The following ABI2 variants were observed in gnomAD, a reference collection of about 807,000 sequenced individuals.
The protein encoded by ABI2 is abelson interactor 2.
In ABI2, 25 loss-of-function variants were observed where a neutral mutation model predicts 59.2. That is an observed-to-expected ratio of 0.42 (90% CI 0.31 to 0.59). The LOEUF (loss-of-function observed/expected upper bound fraction) is 0.59, where lower values mean the gene tolerates loss of function less well. Among genes scored for constraint, ABI2 ranks in the 20% least tolerant of loss-of-function variants. ABI2 has a pLI of 0.14. For missense variants in ABI2, 545 were observed against 681.8 expected, an observed-to-expected ratio of 0.80 and a Z score of 2.23; for synonymous variants, 213 against 235.5, an observed-to-expected ratio of 0.90 and a Z score of 0.87.
intron 9 of ABI2, among the ~76,000 whole-genome samples, chr2:203,407,832 A>C (rs1303873394): frequency 6.6e-6 from 1 of 152,202 alleles, no homozygotes; most frequent in African/African-American, 2.4e-5. Context: ...ATATTGCAAC[A>C]ATTCTTTCCT....
At chr2:203,416,775 T>C (rs923860821) in intron 10 of ABI2, 133 bp from the exon 11 acceptor site, 1 of 919,692 alleles carries the variant, frequency 1.1e-6, no homozygotes, top group Non-Finnish European at 1.6e-6. Flanking sequence ...CTTATCTTGC[T>C]CATTGATTTT....
At chr2:203,404,373 T>C (rs192139252) in intron 9 of ABI2, among the ~76,000 whole-genome samples, 5 of 152,358 alleles carry the variant, frequency 3.3e-5, no homozygotes, top group African/African-American at 9.6e-5. Context: ...TTAATTGATA[T>C]ATACTTCCCT....
rs1261643587 is a variant in ABI2 at position 203,334,738 on chromosome 2, G to A, written c.117+6107G>A. 4.6e-5 allele frequency among the ~76,000 whole-genome samples: 7 copies of A among 150,708 alleles called. No individual in the cohort carries two copies. The South Asian group carries it at 1.0e-3, about 23-fold the overall frequency. The stretch of plus-strand genomic sequence containing the variant: ...TACAGTGGTGCGATCTCAGCTTACT[G>A]CAACCTCTGCCTCCTGGGTTCAAGC... On this transcript the variant is annotated intron_variant, in intron 1 of 11. Coordinates refer to ENST00000261018, the MANE Select transcript of ABI2 (RefSeq NM_001375670.1).
chr2:203,388,269 G>A lies in ABI2; in HGVS notation c.481-2777G>A, dbSNP rs1355985445. Among the ~76,000 whole-genome samples, 5 of 152,150 alleles carry A rather than the reference G, an allele frequency of 3.3e-5. No individual in the cohort carries two copies. In the East Asian group the frequency reaches 9.6e-4, roughly 29 times the overall value. On this transcript the variant is annotated intron_variant, in intron 4 of 11. Coordinates refer to ENST00000261018, the MANE Select transcript of ABI2 (RefSeq NM_001375670.1). ...ATTAGGTATAAAATTAGATTGTTTGGACATTCTACAGAGACTCTTGTTTCT... is the reference window on the plus strand; with the variant it reads ...ATTAGGTATAAAATTAGATTGTTTGAACATTCTACAGAGACTCTTGTTTCT...
chr2:203,395,654 A>C lies in ABI2; in HGVS notation c.726-2A>C. The C allele has an allele frequency of 1.2e-6, 2 of 1,606,730 alleles. No individual in the cohort carries two copies. Among genetic ancestry groups the C allele is most frequent in the Non-Finnish European group, 1.7e-6 (2 of 1,176,768 alleles). ...ATGTTTTGGTGGCTCTTATTTCTTTAGCAGCAGTGGGAGTAGTGGAGGGAG... is the reference window on the plus strand; with the variant it reads ...ATGTTTTGGTGGCTCTTATTTCTTTCGCAGCAGTGGGAGTAGTGGAGGGAG... On this transcript the variant is annotated splice_acceptor_variant, in intron 6 of 11. Coordinates refer to ENST00000261018, the MANE Select transcript of ABI2 (RefSeq NM_001375670.1). LOFTEE classifies it high-confidence loss of function.
chr2:203,342,257 T>G (rs1212586563), intron 1 of ABI2: 2 of 449,474 alleles, frequency 4.4e-6, no homozygotes, highest in Admixed American at 4.8e-5. Flanking sequence ...CCAAGTCCAG[T>G]TCTGTTACCA....
intron 11 of ABI2, among the ~76,000 whole-genome samples, chr2:203,422,030 C>T (rs2098236446): frequency 6.6e-6 from 1 of 151,920 alleles, no homozygotes; most frequent in Non-Finnish European, 1.5e-5. Context: ...ACCTGTAATC[C>T]CTTAAAGTGC....
intron 2 of ABI2, chr2:203,374,858 GCTATC>G (rs745427453): frequency 1.1e-5 from 5 of 456,180 alleles, no homozygotes; most frequent in South Asian, 7.8e-5. Context: ...CTGAGGTAGT[GCTATC>G]CAGTACAGTC....
At chr2:203,413,801 T>C (rs1019091840) in intron 10 of ABI2, among the ~76,000 whole-genome samples, 3 of 152,332 alleles carry the variant, frequency 2.0e-5, no homozygotes, top group African/African-American at 4.8e-5. Context: ...TCCAGGTATA[T>C]TATTTTGAAG....
intron 2 of ABI2, among the ~76,000 whole-genome samples, chr2:203,377,176 A>G (rs1206104025): frequency 6.6e-6 from 1 of 152,122 alleles, no homozygotes; most frequent in Non-Finnish European, 1.5e-5. Context: ...TTAGCTGGGC[A>G]TGGTGGTACA....
intron 2 of ABI2, among the ~76,000 whole-genome samples, chr2:203,377,082 C>G (rs2095754908): frequency 6.6e-6 from 1 of 152,116 alleles, no homozygotes; most frequent in Non-Finnish European, 1.5e-5. Context: ...CTTTGGGAGA[C>G]TGAGGCAGGA....
At chr2:203,353,141 C>T (rs1367131641) in intron 1 of ABI2, among the ~76,000 whole-genome samples, 1 of 152,142 alleles carries the variant, frequency 6.6e-6, no homozygotes, top group Admixed American at 6.6e-5. Flanking sequence ...ACTTCTGTTT[C>T]TAAATTTATT....
rs1435333632 is a variant in ABI2, at chr2:203,417,097, A to G, written c.1453+16A>G. The G allele has an allele frequency of 3.1e-6, 5 of 1,598,098 alleles. 1 individual carries two copies. Among genetic ancestry groups the G allele is most frequent in the South Asian group, 2.3e-5 (2 of 88,024 alleles). Reference sequence around the variant, plus strand: ...TTGGAAAAGGGTAAGTTTCAGAAGGATATCTGGATAGATGGGAAGAAACCT... The same window carrying G: ...TTGGAAAAGGGTAAGTTTCAGAAGGGTATCTGGATAGATGGGAAGAAACCT... On this transcript the variant is annotated intron_variant, in intron 11 of 11. Coordinates refer to ENST00000261018, the MANE Select transcript of ABI2 (RefSeq NM_001375670.1).
At chr2:203,370,186 TTCTCTCTCTCTCTC>T (rs71007509) in intron 2 of ABI2, among the ~76,000 whole-genome samples, 81 of 136,722 alleles carry the variant, frequency 5.9e-4, no homozygotes, top group Middle Eastern at 3.8e-3. Flanking sequence ...CATTCTCCTA[TTCTCTCTCTCTCTC>T]TCTCTCTCTC....
chr2:203,376,916 A>G (rs11686036), intron 2 of ABI2, among the ~76,000 whole-genome samples: 67,517 of 151,878 alleles, frequency 0.44, 16,853 homozygotes, highest in Middle Eastern at 0.7. Context: ...TAAAGTCTCA[A>G]TTTTTCAAAC....
chr2:203,391,885 T>G (rs2096755394), intron 5 of ABI2, among the ~76,000 whole-genome samples: 1 of 152,058 alleles, frequency 6.6e-6, no homozygotes, highest in South Asian at 2.1e-4. Flanking sequence ...GCTCTAGATT[T>G]GACTTTTGGC....
intron 2 of ABI2, among the ~76,000 whole-genome samples, chr2:203,370,374 C>A (rs1014182119): frequency 2.6e-5 from 4 of 151,970 alleles, no homozygotes; most frequent in African/African-American, 9.7e-5. Flanking sequence ...AGGCATGAGC[C>A]ACCATGCCCA....
At chr2:203,415,890 G>C (rs1004782348) in intron 10 of ABI2, among the ~76,000 whole-genome samples, 1 of 152,160 alleles carries the variant, frequency 6.6e-6, no homozygotes, top group African/African-American at 2.4e-5. Flanking sequence ...CTATATATTG[G>C]TATGCAAGCT....
At chr2:203,359,967 A>C (rs1431791429) in intron 1 of ABI2, among the ~76,000 whole-genome samples, 2 of 151,946 alleles carry the variant, frequency 1.3e-5, no homozygotes, top group African/African-American at 2.4e-5. Context: ...CGGGTGGATC[A>C]TGAGGTCAAG....
Sources: gnomAD v4.1 joint callset for allele counts (sites outside exome capture counted in the v4.1 genomes callset) on GRCh38, gnomAD v4.1.1 for gene constraint, MANE v1.5 for transcripts, NCBI Gene and HGNC (gene_info 2026-07-23, HGNC 2026-07-21) for gene names.